The following SSC4D variants were observed in gnomAD, a reference collection of about 807,000 sequenced individuals.
SSC4D encodes the protein scavenger receptor cysteine-rich domain-containing group B protein.
Under a neutral mutation model 63.4 loss-of-function variants are expected in SSC4D, and 57 were observed. The ratio of observed to expected loss-of-function variants is 0.90; its 90% CI spans 0.73 to 1.12. The LOEUF (loss-of-function observed/expected upper bound fraction) is 1.12, where lower values mean the gene tolerates loss of function less well. Among genes scored for constraint, SSC4D ranks in the 50% most tolerant of loss-of-function variants. The pLI is 0.00. For missense variants in SSC4D, 791 were observed against 806.4 expected (o/e 0.98, Z 0.23); for synonymous variants, 352 against 345.4 (o/e 1.02, Z -0.21).
Position 76,404,436 on chromosome 7 carries a change from G to C in SSC4D, c.4C>G (p.His2Asp). The C allele has an allele frequency of 2.5e-6, 4 of 1,614,084 alleles. No homozygotes were observed. The highest frequency in any genetic ancestry group is 3.4e-6 in the Non-Finnish European group (4 of 1,180,024). ...CCAATTAGCATCTCTGCTTCCTTGT[G>C]CATCTAGATGGTGAAGGGTGTTTCA... The part of the protein sequence containing the change: M[H>D]KEAEMLIGPQ... Residue 2 changes from histidine (H) to aspartate (D), a missense_variant, in exon 2 of 11, where the codon CAC becomes GAC. His to Asp is a moderately conservative substitution (Grantham distance 81). Coordinates refer to ENST00000275560, the MANE Select transcript of SSC4D (RefSeq NM_080744.2).
At chr7:76,392,655 G>C (rs1157784089) in intron 9 of SSC4D, among the ~76,000 whole-genome samples, 1 of 152,064 alleles carries the variant, frequency 6.6e-6, no homozygotes, top group Non-Finnish European at 1.5e-5. Context: ...GCCAGGCACG[G>C]TGGCATGCCC....
Position 76,397,520 on chromosome 7 carries a change from G to C in SSC4D, c.866C>G (p.Ala289Gly). ...GHHEDAGALC[A>G]GLGPPTLTAL... ...CCCATCGCCCCTAGAGCCCGCACCT[G>C]CGCAGAGCGCGCCCGCGTCCTCGTG... Residue 289 changes from alanine to glycine, a missense_variant and splice_region_variant, in exon 6 of 11, where the codon GCA becomes GGA. Transcript: ENST00000275560. 1 of 1,548,310 alleles carries C rather than the reference G, an allele frequency of 6.5e-7. No individual in the cohort carries two copies. Among genetic ancestry groups the C allele is most frequent in the South Asian group, 1.2e-5 (1 of 83,436 alleles).
At chr7:76,407,514 T>C (rs1486973619) in intron 1 of SSC4D, among the ~76,000 whole-genome samples, 2 of 152,144 alleles carry the variant, frequency 1.3e-5, no homozygotes, top group Non-Finnish European at 2.9e-5. Context: ...GGAGTATCTC[T>C]TGAGCCCAGG....
At position 76,390,057 on chromosome 7, in the gene SSC4D, G is replaced by T; in HGVS notation, c.*2C>A. On this transcript the variant is annotated 3_prime_UTR_variant, in exon 11 of 11. Coordinates refer to ENST00000275560, the MANE Select transcript of SSC4D (RefSeq NM_080744.2). ...AAGAGGTGGTCTGCAGAGCGGGCTG[G>T]GTCATGAAGGCTGGCACAGGACACT... 6.2e-7 allele frequency: 1 copy of T among 1,614,216 alleles called. No individual in the cohort carries two copies. The highest frequency in any genetic ancestry group is 1.7e-5 in the Admixed American group (1 of 60,014).
At chr7:76,399,360 G>A (rs1804740708) in intron 4 of SSC4D, among the ~76,000 whole-genome samples, 1 of 152,104 alleles carries the variant, frequency 6.6e-6, no homozygotes, top group South Asian at 2.1e-4. Context: ...AACTGTTAGC[G>A]ATGCAGATTC....
rs186699887 is a variant in SSC4D, at chr7:76,393,074, A to T, written c.1333+331T>A. 2.6e-4 allele frequency among the ~76,000 whole-genome samples: 40 copies of T among 152,308 alleles called. No individual in the cohort carries two copies. The East Asian group carries it at 7.7e-3, about 29-fold the overall frequency. On this transcript the variant is annotated intron_variant, in intron 9 of 10. Transcript: ENST00000275560. ...TTTGCGGGGTCTAGATTTAGCCGGG[A>T]GCAAACGGCCCCACCCTTTACGGAC...
At chr7:76,406,203 C>A (rs28450657) in intron 1 of SSC4D, among the ~76,000 whole-genome samples, 46,965 of 151,920 alleles carry the variant, frequency 0.31, 8,256 homozygotes, top group African/African-American at 0.47. Flanking sequence ...GTCTTGAACT[C>A]CTGACCTCAG....
At chr7:76,398,627 C>T (rs1449652013) in intron 5 of SSC4D, 93 bp downstream of exon 5, 10 of 1,386,952 alleles carry the variant, frequency 7.2e-6, no homozygotes, top group Non-Finnish European at 1.0e-5. Flanking sequence ...TTTACATCTT[C>T]AATTTGTAAT....
At position 76,404,333 on chromosome 7, in the gene SSC4D, A is replaced by G; in HGVS notation, c.107T>C (p.Leu36Pro). The G allele has an allele frequency of 6.2e-7, 1 of 1,609,352 alleles. No homozygotes were observed. The highest frequency in any genetic ancestry group is 8.5e-7 in the Non-Finnish European group (1 of 1,177,454). Residue 36 changes from leucine to proline, a missense_variant, in exon 2 of 11, where the codon CTG becomes CCG. By Grantham distance (98) the Leu-to-Pro change is moderately conservative (BLOSUM62 -3). Coordinates refer to ENST00000275560, the MANE Select transcript of SSC4D (RefSeq NM_080744.2). ...SAAPPFLPQA[L>P]SFLLLLPLAS... ...CAGTGGCAGGAGGAGAAGGAAAGAC[A>G]GGGCTTGGGGGAGGAAGGGAGGGGC...
chr7:76,398,895 G>A, intron 4 of SSC4D, 98 bp from the exon 5 acceptor site: 1 of 1,214,830 alleles, frequency 8.2e-7, no homozygotes, highest in Admixed American at 2.1e-5. Context: ...TAAGGTGCTT[G>A]CCGCCAGAGC....
Position 76,393,605 on chromosome 7 carries a change from G to A in SSC4D, c.1133C>T (p.Ala378Val). The part of the protein sequence containing the change: ...VCDDDWDFAD[A>V]RVACREAGCG... ...GCCCGCTTCGCGGCAGGCCACGCGCGCGTCCGCAAAGTCCCAGTCATCGTC... is the reference window on the plus strand; with the variant it reads ...GCCCGCTTCGCGGCAGGCCACGCGCACGTCCGCAAAGTCCCAGTCATCGTC... Residue 378 changes from alanine (A) to valine (V), a missense_variant, in exon 9 of 11, where the codon GCG becomes GTG. By Grantham distance (64) the Ala-to-Val change is moderately conservative. Transcript: ENST00000275560. 1 of 1,504,462 alleles carries A rather than the reference G, an allele frequency of 6.6e-7. No individual in the cohort carries two copies. The highest frequency in any genetic ancestry group is 8.8e-7 in the Non-Finnish European group (1 of 1,133,158). The allele number at this position is 1,504,462 out of a possible 1,614,324, so 93.2% of individuals were successfully genotyped here.
intron 1 of SSC4D, among the ~76,000 whole-genome samples, chr7:76,406,680 ATGGGCTCT>A (rs2115815862): frequency 6.6e-6 from 1 of 151,148 alleles, no homozygotes; most frequent in Non-Finnish European, 1.5e-5. Flanking sequence ...TTTAGTAGAG[ATGGGCTCT>A]CGTGCTGTGT....
chr7:76,397,641 C>G lies in SSC4D; in HGVS notation c.745G>C (p.Gly249Arg), dbSNP rs868837659. The change falls in exon 6 of 11, where the codon GGA becomes CGA. Residue 249 changes from glycine (G) to arginine (R), a missense_variant. By Grantham distance (125) the Gly-to-Arg change is moderately radical. Coordinates refer to ENST00000275560, the MANE Select transcript of SSC4D (RefSeq NM_080744.2). ...TGCACGTTGTCCAGCAGGATGTGTCCGGTGCCATAGCCGAAGAAGGCGTTG... is the reference window on the plus strand; with the variant it reads ...TGCACGTTGTCCAGCAGGATGTGTCGGGTGCCATAGCCGAAGAAGGCGTTG... ...TTNAFFGYGTGHILLDNVHCE... is the reference protein window; with the variant it reads ...TTNAFFGYGTRHILLDNVHCE... The G allele has an allele frequency of 3.7e-6, 6 of 1,613,622 alleles. No homozygotes were observed. The highest frequency in any genetic ancestry group is 5.1e-6 in the Non-Finnish European group (6 of 1,179,862).
At chr7:76,393,053 C>G (rs1458711058) in intron 9 of SSC4D, among the ~76,000 whole-genome samples, 1 of 152,174 alleles carries the variant, frequency 6.6e-6, no homozygotes, top group Non-Finnish European at 1.5e-5. Flanking sequence ...TAGAGTTTTG[C>G]GGGGTCTAGA....
intron 1 of SSC4D, among the ~76,000 whole-genome samples, chr7:76,408,226 A>C (rs1228230989): frequency 3.3e-5 from 5 of 152,100 alleles, no homozygotes; most frequent in Admixed American, 3.3e-4. Context: ...CCTGGTGTAC[A>C]AAGTCTGGTT....
In SSC4D at chr7:76,390,193, G is replaced by A. The variant is rs374028378; in HGVS notation, c.1594C>T (p.Arg532Ter). ...APGEAHFGPG[R>*]GPILLDNVKC... is the part of the protein sequence containing the mutation. ...ACATTGTCCAGGAGAATGGGGCCTC[G>A]GCCTGGGCCAAAGTGAGCCTCGCCA... is the stretch of plus-strand genomic sequence containing the variant. Residue 532 changes from arginine to a stop codon, truncating the protein, a stop_gained, in exon 11 of 11, where the codon CGA (arginine) becomes TGA (stop). Coordinates refer to ENST00000275560, the MANE Select transcript of SSC4D (RefSeq NM_080744.2). LOFTEE classifies it high-confidence loss of function. 117 of 1,614,080 alleles carry A rather than the reference G, an allele frequency of 7.2e-5. No individual in the cohort carries two copies. In the South Asian group the frequency reaches 7.6e-4, roughly 10 times the overall value.
intron 4 of SSC4D, among the ~76,000 whole-genome samples, chr7:76,399,198 A>T: frequency 6.6e-6 from 1 of 152,032 alleles, no homozygotes; most frequent in East Asian, 1.9e-4. Flanking sequence ...TTTTTAGTAG[A>T]GATGGGGTTT....
rs923508162 is a variant in SSC4D, at chr7:76,390,254, G to C, written c.1533C>G (p.Cys511Trp). 6.2e-7 allele frequency: 1 copy of C among 1,613,874 alleles called. No homozygotes were observed. The highest frequency in any genetic ancestry group is 1.7e-5 in the Admixed American group (1 of 59,980). Residue 511 changes from cysteine (C) to tryptophan (W), a missense_variant, in exon 11 of 11, where the codon TGC becomes TGG. Cys to Trp is a radical substitution (Grantham distance 215). Transcript: ENST00000275560. Reference sequence around the variant, plus strand: ...GGGCCTGGCCACAGCCCAGCTGGCGGCACAGGACACCGGCTGCCCGCAGGT... The same window carrying C: ...GGGCCTGGCCACAGCCCAGCTGGCGCCACAGGACACCGGCTGCCCGCAGGT... ...AWDLRAAGVL[C>W]RQLGCGQALA...
chr7:76,389,786 C>G lies in SSC4D; in HGVS notation c.*273G>C. 2.0e-6 allele frequency: 1 copy of G among 504,468 alleles called. No homozygotes were observed. Among genetic ancestry groups the G allele is most frequent in the Non-Finnish European group, 3.6e-6 (1 of 280,732 alleles). The allele number at this position is 504,468 out of a possible 1,614,324, so 31.2% of individuals were successfully genotyped here. Reference sequence around the variant, plus strand: ...AAACAGAAGAGTTAGGAATCATCCTCTTCCCCTCGTTTTGGTTTTGGCTGA... The same window carrying G: ...AAACAGAAGAGTTAGGAATCATCCTGTTCCCCTCGTTTTGGTTTTGGCTGA... On this transcript the variant is annotated 3_prime_UTR_variant, in exon 11 of 11. Coordinates refer to ENST00000275560, the MANE Select transcript of SSC4D (RefSeq NM_080744.2).
Sources: allele counts gnomAD v4.1 joint callset (sites outside exome capture counted in the v4.1 genomes callset), GRCh38; gene constraint gnomAD v4.1.1; transcripts MANE v1.5; gene names NCBI Gene and HGNC (gene_info 2026-07-23, HGNC 2026-07-21).